CD44: variants seen among roughly 807,000 people sequenced by gnomAD.
The protein encoded by CD44 is CD44 molecule (IN blood group).
Under a neutral mutation model 88.8 loss-of-function variants are expected in CD44, and 49 were observed. The observed-to-expected ratio is 0.55, with a 90% CI of 0.44 to 0.70. The LOEUF (loss-of-function observed/expected upper bound fraction) is 0.70, where lower values mean the gene tolerates loss of function less well. CD44 is among the 30% of genes least tolerant of loss of function. The probability of loss-of-function intolerance (pLI) is 0.00; values close to 1 mark genes in which losing one functional copy is unlikely to be tolerated. For missense variants in CD44, 883 were observed against 913.8 expected (o/e 0.97, Z 0.43); for synonymous variants, 325 against 312.3 (o/e 1.04, Z -0.43).
At chr11:35,189,704 C>G in intron 4 of CD44, 131 bp from the exon 5 acceptor site, 1 of 675,318 alleles carries the variant, frequency 1.5e-6, no homozygotes, top group African/African-American at 1.8e-5. Flanking sequence ...CTGCCACTCT[C>G]TCCCACCACT....
At position 35,176,749 on chromosome 11, in the gene CD44, C is replaced by T; in HGVS notation, c.233+9C>T. The stretch of plus-strand genomic sequence containing the variant: ...GGATTTGAGACCTGCAGGTAAGAGA[C>T]CAGCACCCGACCACTGGGGAAAGCT... On this transcript the variant is annotated intron_variant, in intron 2 of 17. Coordinates refer to ENST00000428726, the MANE Select transcript of CD44 (RefSeq NM_000610.4). 1.2e-6 allele frequency: 2 copies of T among 1,612,150 alleles called. No individual in the cohort carries two copies. The highest frequency in any genetic ancestry group is 1.7e-6 in the Non-Finnish European group (2 of 1,179,122).
rs750203752 is a variant in CD44, at chr11:35,201,800, G to C, written c.1153+13G>C. 13 of 1,613,040 alleles carry C rather than the reference G, an allele frequency of 8.1e-6. No homozygotes were observed. The highest frequency in any genetic ancestry group is 1.3e-5 in the African/African-American group (1 of 74,868). On this transcript the variant is annotated intron_variant, in intron 9 of 17. Coordinates refer to ENST00000428726, the MANE Select transcript of CD44 (RefSeq NM_000610.4). ...TCTACAAGCACAAGTAAGCAAGATG[G>C]CGGTCGGCAGTTCTGGGTTAGATGA...
intron 15 of CD44, among the ~76,000 whole-genome samples, chr11:35,217,238 C>G (rs1408620250): frequency 6.6e-6 from 1 of 150,510 alleles, no homozygotes; most frequent in African/African-American, 2.4e-5. Context: ...CACGCACACC[C>G]AGATCTTTTC....
intron 1 of CD44, among the ~76,000 whole-genome samples, chr11:35,160,835 G>A (rs751164022): frequency 3.9e-5 from 6 of 152,188 alleles, no homozygotes; most frequent in African/African-American, 9.7e-5. Context: ...GGTCCCAGTG[G>A]AACCCACTTT....
chr11:35,186,093 A>G (rs995148269), intron 3 of CD44, among the ~76,000 whole-genome samples: 2 of 152,236 alleles, frequency 1.3e-5, no homozygotes, highest in Non-Finnish European at 2.9e-5. Flanking sequence ...AGATATGCCA[A>G]AACAGTAACC....
At chr11:35,226,997 G>C (rs1445899984) in intron 17 of CD44, among the ~76,000 whole-genome samples, 1 of 141,710 alleles carries the variant, frequency 7.1e-6, no homozygotes, top group Non-Finnish European at 1.5e-5. Context: ...CAATTCTCCT[G>C]CTTCAGTCTC....
intron 1 of CD44, 123 bp from the exon 2 acceptor site, chr11:35,176,452 G>GT: frequency 1.3e-6 from 1 of 759,842 alleles, no homozygotes; most frequent in Non-Finnish European, 2.1e-6. Flanking sequence ...TGCTGGGATT[G>GT]TAGGCATGAG....
chr11:35,223,311 T>C (rs773995612), intron 17 of CD44: 23 of 984,398 alleles, frequency 2.3e-5, no homozygotes, highest in Non-Finnish European at 2.8e-5. Flanking sequence ...CAATTAAATA[T>C]GAATTTCCTA....
chr11:35,223,129 C>A, intron 17 of CD44: 1 of 985,284 alleles, frequency 1.0e-6, no homozygotes, highest in Non-Finnish European at 1.2e-6. Context: ...AGTAGTTATG[C>A]TACCTGATTG....
intron 3 of CD44, among the ~76,000 whole-genome samples, chr11:35,181,321 T>A (rs1565078458): frequency 6.6e-6 from 1 of 152,190 alleles, no homozygotes; most frequent in Non-Finnish European, 1.5e-5. Context: ...TCTTTGTGAC[T>A]TTCTCCCAAC....
chr11:35,184,613 C>T (rs1471488440), intron 3 of CD44, among the ~76,000 whole-genome samples: 1 of 152,154 alleles, frequency 6.6e-6, no homozygotes, highest in South Asian at 2.1e-4. Context: ...TTTTTGAAAA[C>T]TGTAAAAAGC....
chr11:35,193,946 G>A (rs1946500222), intron 5 of CD44, among the ~76,000 whole-genome samples: 1 of 152,168 alleles, frequency 6.6e-6, no homozygotes, highest in Non-Finnish European at 1.5e-5. Context: ...ATGCGTGTGG[G>A]CGGAGCTTTG....
intron 1 of CD44, among the ~76,000 whole-genome samples, chr11:35,140,360 C>T (rs1204570628): frequency 1.3e-5 from 2 of 152,274 alleles, no homozygotes; most frequent in East Asian, 3.9e-4. Flanking sequence ...TATCGCTGGC[C>T]AAAATTAATC....
intron 3 of CD44, among the ~76,000 whole-genome samples, chr11:35,181,441 T>C (rs1422969745): frequency 6.6e-6 from 1 of 151,892 alleles, no homozygotes; most frequent in Admixed American, 6.6e-5. Flanking sequence ...AAAATATAAA[T>C]GTCAAATATC....
chr11:35,185,703 A>G (rs943437311), intron 3 of CD44, among the ~76,000 whole-genome samples: 14 of 152,238 alleles, frequency 9.2e-5, no homozygotes, highest in African/African-American at 3.4e-4. Flanking sequence ...AAGTATGCAC[A>G]CACACACAGA....
At chr11:35,147,947 C>G (rs920541400) in intron 1 of CD44, among the ~76,000 whole-genome samples, 1 of 152,090 alleles carries the variant, frequency 6.6e-6, no homozygotes, top group Admixed American at 6.5e-5. Flanking sequence ...AAAAATTAGC[C>G]GGGCATGGTG....
intron 5 of CD44, chr11:35,190,380 T>C (rs1038780047): frequency 2.7e-6 from 1 of 371,230 alleles, no homozygotes; most frequent in African/African-American, 2.0e-5. Flanking sequence ...TCAAGCCTGA[T>C]ATGAAAACTG....
rs1565112873 is a variant in CD44 at position 35,196,848 on chromosome 11, ATCTTCACAC to A, written c.771_779del (p.His257_Thr260delinsGln). The A allele has an allele frequency of 6.2e-7, 1 of 1,613,768 alleles. No homozygotes were observed. The highest frequency in any genetic ancestry group is 8.5e-7 in the Non-Finnish European group (1 of 1,179,742). ...TTTCTACCATCAGAGTCAAAGAATC[ATCTTCACAC>A]AACAACACAAATGGCTGGTAATGAG... On this transcript the variant is annotated inframe_deletion, in exon 6 of 18. Transcript: ENST00000428726.
At chr11:35,164,063 G>A (rs1202604031) in intron 1 of CD44, among the ~76,000 whole-genome samples, 1 of 152,078 alleles carries the variant, frequency 6.6e-6, no homozygotes, top group Non-Finnish European at 1.5e-5. Context: ...CTCTATTAGT[G>A]TTAATATCAC....
Sources: allele counts gnomAD v4.1 joint callset (sites outside exome capture counted in the v4.1 genomes callset), GRCh38; gene constraint gnomAD v4.1.1; transcripts MANE v1.5; gene names NCBI Gene and HGNC (gene_info 2026-07-23, HGNC 2026-07-21).